Variants in PCNX2 observed in about 807,000 individuals in gnomAD.
PCNX2 encodes pecanex 2.
A neutral mutation model predicts 223.8 loss-of-function variants in PCNX2; 168 were observed. The observed-to-expected ratio is 0.75, with a 90% CI of 0.66 to 0.85. The LOEUF (loss-of-function observed/expected upper bound fraction) is 0.85, where lower values mean the gene tolerates loss of function less well. Ranked by LOEUF, PCNX2 falls within the 40% of genes least tolerant of loss-of-function variation. The probability of loss-of-function intolerance (pLI) is 0.00; values close to 1 mark genes in which losing one functional copy is unlikely to be tolerated. For synonymous variants in PCNX2, 1,006 were observed against 1,052.6 expected, an observed-to-expected ratio of 0.96 and a Z score of 0.86; for missense variants, 2,507 against 2,675.5, an observed-to-expected ratio of 0.94 and a Z score of 1.39.
chr1:233,144,610 T>C (rs1677316217), intron 19 of PCNX2, among the ~76,000 whole-genome samples: 2 of 152,242 alleles, frequency 1.3e-5, no homozygotes, highest in African/African-American at 2.4e-5. Context: ...TGGTTTTATT[T>C]AACATTTATT....
upstream of PCNX2, among the ~76,000 whole-genome samples, chr1:233,300,234 A>G (rs547835061): frequency 6.6e-6 from 1 of 152,362 alleles, no homozygotes; most frequent in South Asian, 2.1e-4. Context: ...TCCTTTATTA[A>G]GATTGCTCAA....
intron 23 of PCNX2, chr1:233,086,905 T>G (rs967109289): frequency 1.7e-6 from 1 of 578,906 alleles, no homozygotes; most frequent in Admixed American, 6.4e-5. Flanking sequence ...AGGAGAAGAG[T>G]GACAAGCTGA....
intron 1 of PCNX2, among the ~76,000 whole-genome samples, chr1:233,267,709 T>C (rs1057417185): frequency 4.6e-5 from 7 of 152,210 alleles, no homozygotes; most frequent in Non-Finnish European, 8.8e-5. Context: ...CCTTCTTTTT[T>C]AAGGCTGAGT....
At chr1:233,148,738 T>A (rs1041017851) in intron 19 of PCNX2, among the ~76,000 whole-genome samples, 1 of 152,228 alleles carries the variant, frequency 6.6e-6, no homozygotes, top group African/African-American at 2.4e-5. Flanking sequence ...CTTAGAATCC[T>A]CCTACCAATC....
At position 233,258,635 on chromosome 1, in the gene PCNX2, G is replaced by A. The variant is rs374743322; in HGVS notation, c.1227C>T (p.Asp409=). 101 of 1,613,944 alleles carry A rather than the reference G, an allele frequency of 6.3e-5. 1 individual carries two copies. The African/African-American group carries it at 8.8e-4, about 14-fold the overall frequency. Residue 409 remains aspartate (D), a synonymous_variant, in exon 5 of 34, where the codon GAC becomes GAT. Coordinates refer to ENST00000258229, the MANE Select transcript of PCNX2 (RefSeq NM_014801.4). ...CCGCCCCTGGGTTAGTGGGCTCAGC[G>A]TCAGACTTTACACTGGTCTTCTCTG... is the stretch of plus-strand genomic sequence containing the variant. The part of the protein sequence containing the change: ...VGTEKTSVKS[D]AEPTNPGAAG...
At chr1:233,298,525 G>T (rs1325173675), upstream of PCNX2, among the ~76,000 whole-genome samples, 2 of 152,196 alleles carry the variant, frequency 1.3e-5, no homozygotes, top group Admixed American at 6.5e-5. Context: ...ATGGAGGTGA[G>T]CGTGATCTAA....
chr1:233,080,756 T>A (rs1257399330), intron 23 of PCNX2, among the ~76,000 whole-genome samples: 1 of 152,104 alleles, frequency 6.6e-6, no homozygotes. Context: ...GCACTGTGGG[T>A]CAGCATTTCA....
intron 19 of PCNX2, among the ~76,000 whole-genome samples, chr1:233,147,942 G>C (rs1228178511): frequency 6.6e-6 from 1 of 152,296 alleles, no homozygotes; most frequent in Non-Finnish European, 1.5e-5. Context: ...TAATTCATAA[G>C]TTACAAAACC....
At chr1:233,242,133 T>C (rs1658807382) in intron 8 of PCNX2, among the ~76,000 whole-genome samples, 1 of 152,172 alleles carries the variant, frequency 6.6e-6, no homozygotes, top group Non-Finnish European at 1.5e-5. Flanking sequence ...AATCCACCTT[T>C]GGAGTATGGT....
At chr1:233,165,509 T>G (rs762690496) in intron 17 of PCNX2, among the ~76,000 whole-genome samples, 1 of 152,178 alleles carries the variant, frequency 6.6e-6, no homozygotes, top group Non-Finnish European at 1.5e-5. Flanking sequence ...AGTGCTGAGG[T>G]TGAGAAACCT....
chr1:233,212,955 T>C (rs185317844), intron 12 of PCNX2, among the ~76,000 whole-genome samples: 4 of 152,338 alleles, frequency 2.6e-5, no homozygotes, highest in Admixed American at 2.0e-4. Flanking sequence ...TAAGTCATAT[T>C]GATAATTTGT....
At chr1:233,047,094 A>G (rs1187830457) in intron 25 of PCNX2, among the ~76,000 whole-genome samples, 1 of 152,200 alleles carries the variant, frequency 6.6e-6, no homozygotes, top group African/African-American at 2.4e-5. Flanking sequence ...CAAGTTTGGC[A>G]GCCAGCCTCT....
chr1:233,078,167 C>A (rs1043475927), intron 23 of PCNX2, among the ~76,000 whole-genome samples: 2 of 152,200 alleles, frequency 1.3e-5, no homozygotes, highest in African/African-American at 4.8e-5. Context: ...CTCACAGAGC[C>A]TCAAATGCAA....
At position 233,090,166 on chromosome 1, in the gene PCNX2, G is replaced by T; in HGVS notation, c.3971C>A (p.Thr1324Lys). 1.2e-6 allele frequency: 2 copies of T among 1,613,326 alleles called. No individual in the cohort carries two copies. The highest frequency in any genetic ancestry group is 1.7e-6 in the Non-Finnish European group (2 of 1,179,646). ...IPHSAMLFFQ[T>K]IATSIFSTPL... ...GGTAGAAAAGATTGATGTGGCAATC[G>T]TCTGAAAGAAAAGCATGGCAGAATC... The change falls in exon 23 of 34, where the codon ACG becomes AAG. Residue 1324 changes from threonine to lysine, a missense_variant. Thr to Lys is a moderately conservative substitution (Grantham distance 78). This residue lies in a region of PCNX2 where 1,372 missense variants were observed against 1,509.4 expected (regional missense o/e 0.91). Coordinates refer to ENST00000258229, the MANE Select transcript of PCNX2 (RefSeq NM_014801.4).
At chr1:233,319,593 C>G in the PCNX2 span, among the ~76,000 whole-genome samples, 3 of 152,332 alleles carry the variant, frequency 2.0e-5, no homozygotes, top group Non-Finnish European at 4.4e-5. Context: ...TTAAATGACC[C>G]AGCTTTGTCT....
chr1:233,266,527 A>C (rs1270257893), intron 1 of PCNX2, among the ~76,000 whole-genome samples: 2 of 152,062 alleles, frequency 1.3e-5, no homozygotes, highest in African/African-American at 4.8e-5. Flanking sequence ...ACATCATCAT[A>C]CTCAGGAAAC....
At chr1:233,023,648 A>T (rs185116296) in intron 26 of PCNX2, among the ~76,000 whole-genome samples, 1 of 152,358 alleles carries the variant, frequency 6.6e-6, no homozygotes, top group Admixed American at 6.5e-5. Context: ...AAGAGAAGAT[A>T]GGCATAACTC....
chr1:233,129,718 T>C (rs1676342862), intron 21 of PCNX2, among the ~76,000 whole-genome samples: 1 of 152,182 alleles, frequency 6.6e-6, no homozygotes, highest in South Asian at 2.1e-4. Flanking sequence ...TGGTGGGGAC[T>C]TGGAGAAACT....
chr1:233,165,607 T>A (rs1188053661), intron 17 of PCNX2, among the ~76,000 whole-genome samples: 8 of 152,228 alleles, frequency 5.3e-5, no homozygotes, highest in African/African-American at 1.9e-4. Flanking sequence ...TTTAAAGTAC[T>A]ATTTATAATA....
Sources: allele counts gnomAD v4.1 joint callset (sites outside exome capture counted in the v4.1 genomes callset), GRCh38; gene constraint gnomAD v4.1.1; regional missense constraint gnomAD v4.1.1; transcripts MANE v1.5; gene names NCBI Gene and HGNC (gene_info 2026-07-23, HGNC 2026-07-21).